Variants in CHRM3 observed in about 807,000 individuals in gnomAD.
CHRM3 encodes the protein cholinergic receptor muscarinic 3.
CHRM3 carries 11 observed loss-of-function variants against 41.8 expected under a neutral mutation model. The observed-to-expected ratio is 0.26, with a 90% CI of 0.17 to 0.44. The LOEUF is 0.44. CHRM3 is among the 20% of genes least tolerant of loss of function. The pLI is 1.00. For missense variants in CHRM3, 571 were observed against 745.4 expected (o/e 0.77, Z 2.72); for synonymous variants, 297 against 301.4 (o/e 0.99, Z 0.15).
chr1:239,433,031 G>A (rs1004836615), intron 1 of CHRM3, among the ~76,000 whole-genome samples: 8 of 151,962 alleles, frequency 5.3e-5, no homozygotes, highest in South Asian at 2.1e-4. Context: ...CCAGCTCAGC[G>A]CTGTGTTTTC....
At chr1:239,600,685 C>T (rs187891916) in intron 3 of CHRM3, among the ~76,000 whole-genome samples, 303 of 151,732 alleles carry the variant, frequency 2.0e-3, no homozygotes, top group African/African-American at 6.9e-3. Flanking sequence ...CCCTTCCTTC[C>T]TTTCTTCTCC....
chr1:239,549,575 C>A (rs1486691374), intron 3 of CHRM3, among the ~76,000 whole-genome samples: 1 of 149,912 alleles, frequency 6.7e-6, no homozygotes, highest in Non-Finnish European at 1.5e-5. Flanking sequence ...GCATGAGAAT[C>A]ACTGGAGCCT....
At chr1:239,391,178 G>A (rs1659004582) in intron 1 of CHRM3, among the ~76,000 whole-genome samples, 1 of 152,294 alleles carries the variant, frequency 6.6e-6, no homozygotes, top group African/African-American at 2.4e-5. Flanking sequence ...GTTTGGTGAA[G>A]CAATTGAAAA....
At chr1:239,481,841 A>G (rs1410762226) in intron 1 of CHRM3, among the ~76,000 whole-genome samples, 1 of 152,180 alleles carries the variant, frequency 6.6e-6, no homozygotes, top group African/African-American at 2.4e-5. Context: ...TTGGAGTAAT[A>G]GAATCTTTTG....
intron 1 of CHRM3, among the ~76,000 whole-genome samples, chr1:239,481,538 C>T (rs1018850651): frequency 2.6e-5 from 4 of 152,062 alleles, no homozygotes; most frequent in Non-Finnish European, 5.9e-5. Context: ...TTATGTTTTT[C>T]TTTTCTTTGA....
intron 5 of CHRM3, among the ~76,000 whole-genome samples, chr1:239,757,263 A>G (rs1030150689): frequency 6.6e-6 from 1 of 152,232 alleles, no homozygotes; most frequent in Non-Finnish European, 1.5e-5. Context: ...TGAAAGATCA[A>G]CTGTTTACAT....
At chr1:239,396,360 G>T (rs1254720251) in intron 1 of CHRM3, among the ~76,000 whole-genome samples, 1 of 152,060 alleles carries the variant, frequency 6.6e-6, no homozygotes, top group Non-Finnish European at 1.5e-5. Context: ...AGGCACAGTG[G>T]CTCACTTTGG....
At chr1:239,701,012 T>C (rs1242225562) in intron 5 of CHRM3, among the ~76,000 whole-genome samples, 1 of 152,218 alleles carries the variant, frequency 6.6e-6, no homozygotes, top group Non-Finnish European at 1.5e-5. Flanking sequence ...GATTAAAACC[T>C]GTGTGACGCT....
At chr1:239,595,518 TTAAG>T (rs1664681134) in intron 3 of CHRM3, among the ~76,000 whole-genome samples, 1 of 152,236 alleles carries the variant, frequency 6.6e-6, no homozygotes, top group Non-Finnish European at 1.5e-5. Context: ...TTGGATTTAT[TTAAG>T]TATTTGGAAA....
chr1:239,864,261 C>G (rs1205760665), intron 6 of CHRM3, among the ~76,000 whole-genome samples: 1 of 152,068 alleles, frequency 6.6e-6, no homozygotes, highest in Non-Finnish European at 1.5e-5. Context: ...AATCCCAGCA[C>G]TTTGGGAGGC....
intron 1 of CHRM3, among the ~76,000 whole-genome samples, chr1:239,405,479 C>T (rs1381826362): frequency 6.6e-6 from 1 of 152,112 alleles, no homozygotes; most frequent in Non-Finnish European, 1.5e-5. Flanking sequence ...AAGCCTGATT[C>T]TACTCGGTGT....
In CHRM3 at chr1:239,883,222, G is replaced by A. The variant is rs191296003; in HGVS notation, c.-19-24211G>A. 1.8e-3 allele frequency among the ~76,000 whole-genome samples: 271 copies of A among 152,280 alleles called. 1 individual carries two copies. Among genetic ancestry groups the A allele is most frequent in the African/African-American group, 5.9e-3 (244 of 41,554 alleles). On this transcript the variant is annotated intron_variant, in intron 6 of 6. Coordinates refer to ENST00000676153, the MANE Select transcript of CHRM3 (RefSeq NM_001375978.1). ...TATCAAGAAACAACATCTCTCAGCCGTGATGTTCCTCCATCACTTATTTAT... is the reference window on the plus strand; with the variant it reads ...TATCAAGAAACAACATCTCTCAGCCATGATGTTCCTCCATCACTTATTTAT...
intron 2 of CHRM3, among the ~76,000 whole-genome samples, chr1:239,520,907 G>A (rs1037636691): frequency 1.3e-5 from 2 of 151,928 alleles, no homozygotes; most frequent in African/African-American, 4.8e-5. Context: ...ACTTATGAAG[G>A]GTTTCCAATA....
intron 2 of CHRM3, among the ~76,000 whole-genome samples, chr1:239,519,989 T>G (rs9428838): frequency 6.6e-6 from 1 of 151,748 alleles, no homozygotes; most frequent in Non-Finnish European, 1.5e-5. Context: ...CCTCGTGATC[T>G]GCTCGCCTCG....
chr1:239,851,749 C>G (rs956278918), intron 6 of CHRM3, among the ~76,000 whole-genome samples: 7 of 152,118 alleles, frequency 4.6e-5, no homozygotes, highest in African/African-American at 1.7e-4. Context: ...CAGCCATCTG[C>G]TTGCCTATTT....
At chr1:239,467,148 C>T (rs1195024455) in intron 1 of CHRM3, among the ~76,000 whole-genome samples, 1 of 152,116 alleles carries the variant, frequency 6.6e-6, no homozygotes, top group Non-Finnish European at 1.5e-5. Flanking sequence ...AGTGACCCCT[C>T]ACTATAAGAA....
At chr1:239,436,343 C>G (rs1299047481) in intron 1 of CHRM3, among the ~76,000 whole-genome samples, 1 of 152,098 alleles carries the variant, frequency 6.6e-6, no homozygotes, top group Non-Finnish European at 1.5e-5. Flanking sequence ...CCCGTTGGTC[C>G]TGAGTGTCGC....
intron 6 of CHRM3, among the ~76,000 whole-genome samples, chr1:239,879,285 C>G (rs747495287): frequency 2.0e-5 from 3 of 152,128 alleles, no homozygotes; most frequent in African/African-American, 7.2e-5. Flanking sequence ...TGTGAGCCAA[C>G]GCACCCAGCT....
At chr1:239,497,722 C>G (rs1036314863) in intron 2 of CHRM3, among the ~76,000 whole-genome samples, 6 of 152,168 alleles carry the variant, frequency 3.9e-5, no homozygotes, top group African/African-American at 1.4e-4. Flanking sequence ...AGGAATGAGG[C>G]CATTGCCAAT....
Sources: allele counts gnomAD v4.1 joint callset (sites outside exome capture counted in the v4.1 genomes callset), GRCh38; gene constraint gnomAD v4.1.1; transcripts MANE v1.5; gene names NCBI Gene and HGNC (gene_info 2026-07-23, HGNC 2026-07-21).